BORCS8: variants seen among roughly 807,000 people sequenced by gnomAD.
BORCS8 encodes the protein BLOC-1-related complex subunit 8.
A neutral mutation model predicts 18.7 loss-of-function variants in BORCS8; 13 were observed. That is an observed-to-expected ratio of 0.70 (90% CI 0.45 to 1.11). The LOEUF is 1.11. Among genes scored for constraint, BORCS8 ranks in the 50% least tolerant of loss-of-function variants. The pLI is 0.00. For synonymous variants in BORCS8, 68 were observed against 64.8 expected (o/e 1.05, Z -0.24); for missense variants, 165 against 165.7 (o/e 1.00, Z 0.02).
chr19:19,184,295 T>C (rs1225186433), intron 3 of BORCS8, among the ~76,000 whole-genome samples: 1 of 146,702 alleles, frequency 6.8e-6, no homozygotes, highest in Non-Finnish European at 1.5e-5. Flanking sequence ...TTGGTTTTTT[T>C]TTTTCCTTTC....
chr19:19,181,821 A>T lies in BORCS8; in HGVS notation c.326+752T>A, dbSNP rs2060351893. The T allele has an allele frequency of 5.1e-6, 5 of 980,658 alleles. No homozygotes were observed. The South Asian group carries it at 2.4e-4, about 46-fold the overall frequency. 60.7% of individuals were successfully genotyped at this position (980,658 alleles called of 1,614,324 possible). A position where few individuals can be genotyped will look rare whatever the true frequency, so the allele number is the denominator to read the frequency against. On this transcript the variant is annotated intron_variant, in intron 4 of 5. Coordinates refer to ENST00000462790, the MANE Select transcript of BORCS8 (RefSeq NM_001145784.2). ...TGGGGGACAGGCCTGCCAGAACCCC[A>T]ATCTGTGGGAGCCAGACGCATCCCA...
intron 1 of BORCS8, among the ~76,000 whole-genome samples, 196 bp from the exon 2 acceptor site, chr19:19,187,201 G>A (rs1179852973): frequency 6.6e-6 from 1 of 152,172 alleles, no homozygotes; most frequent in Non-Finnish European, 1.5e-5. Flanking sequence ...ATGAGACCGG[G>A]TGCGGTGGCT....
intron 5 of BORCS8, chr19:19,178,838 T>G (rs1039520246): frequency 6.6e-6 from 1 of 152,014 alleles, no homozygotes; most frequent in Non-Finnish European, 1.5e-5. Context: ...CAGGCACCTG[T>G]AGTCCCACCT....
chr19:19,177,013 C>CT lies in BORCS8; in HGVS notation c.*489_*490insA, dbSNP rs36114489. 0.33 allele frequency: 50,905 copies of CT among 152,016 alleles called. 8,945 individuals are homozygous for CT. Among genetic ancestry groups the CT allele is most frequent in the Non-Finnish European group, 0.39 (26,231 of 67,970 alleles). 9.4% of individuals were successfully genotyped at this position (152,016 alleles called of 1,614,324 possible). ...TCCACACAATGTTCTCAGGTCCCCC[C>CT]GGAACCCCTCGCCCCGGCCTGGTTC... is the stretch of plus-strand genomic sequence containing the variant. On this transcript the variant is annotated 3_prime_UTR_variant, in exon 6 of 6. Coordinates refer to ENST00000462790, the MANE Select transcript of BORCS8 (RefSeq NM_001145784.2).
chr19:19,187,169 G>A, intron 1 of BORCS8, 164 bp from the exon 2 acceptor site: 1 of 593,818 alleles, frequency 1.7e-6, no homozygotes, highest in Non-Finnish European at 3.0e-6. Context: ...GGTCACAGCA[G>A]GGCTCACTCA....
At position 19,182,578 on chromosome 19, in the gene BORCS8, G is replaced by T; in HGVS notation, c.321C>A (p.Gly107=). The change falls in exon 4 of 6, where the codon GGC becomes GGA. Residue 107 remains glycine (G), a synonymous_variant. Coordinates refer to ENST00000462790, the MANE Select transcript of BORCS8 (RefSeq NM_001145784.2). This position sits in a 1 kb window ranked among gnomAD's most constrained non-coding sequence, Gnocchi z 4.1. ...CGGGCGGTCCCAGGAGCTACCTGTG[G>T]CCCTGGGCACTGGCATTCATATGGT... ...IRDHMNASAQ[G]HSPEEPPPPS... 1 of 1,550,698 alleles carries T rather than the reference G, an allele frequency of 6.4e-7. No homozygotes were observed. Among genetic ancestry groups the T allele is most frequent in the Non-Finnish European group, 8.7e-7 (1 of 1,146,864 alleles).
chr19:19,182,223 G>A lies in BORCS8; in HGVS notation c.326+350C>T, dbSNP rs2060356210. 1.0e-5 allele frequency: 4 copies of A among 393,172 alleles called. No homozygotes were observed. Among genetic ancestry groups the A allele is most frequent in the African/African-American group, 2.1e-5 (1 of 46,742 alleles). The allele number at this position is 393,172 out of a possible 1,614,324, so 24.4% of individuals were successfully genotyped here. On this transcript the variant is annotated intron_variant, in intron 4 of 5. Transcript: ENST00000462790. The surrounding 1 kb of genome is among the most constrained non-coding windows in gnomAD (Gnocchi z 4.1). The stretch of plus-strand genomic sequence containing the variant: ...TCGTCTCTGTCTGCATGTAACTCAT[G>A]CCACCTCCTAGGAGGGGCCCCGCAG...
At chr19:19,185,475 C>G (rs1385505098) in intron 3 of BORCS8, among the ~76,000 whole-genome samples, 13 of 152,168 alleles carry the variant, frequency 8.5e-5, no homozygotes, top group Non-Finnish European at 1.5e-5. Context: ...CACCTGAGGT[C>G]AGAAGTTTGA....
At chr19:19,185,923 G>A in intron 3 of BORCS8, 111 bp downstream of exon 3, 1 of 1,118,060 alleles carries the variant, frequency 8.9e-7, no homozygotes, top group Non-Finnish European at 1.3e-6. Context: ...ACCCACTCGG[G>A]TAGGCCTGGC....
chr19:19,190,792 T>TA (rs1025229441), intron 1 of BORCS8, among the ~76,000 whole-genome samples: 70 of 148,628 alleles, frequency 4.7e-4, no homozygotes, highest in African/African-American at 1.3e-3. Flanking sequence ...CCGTCTCAAA[T>TA]AAAAAAAAAG....
At chr19:19,188,668 G>A (rs1599760844) in intron 1 of BORCS8, among the ~76,000 whole-genome samples, 1 of 148,412 alleles carries the variant, frequency 6.7e-6, no homozygotes, top group African/African-American at 2.5e-5. Flanking sequence ...TGTGTCCCTC[G>A]CTGGGCACTG....
chr19:19,181,519 C>A (rs1350235259), intron 4 of BORCS8, among the ~76,000 whole-genome samples: 2 of 152,248 alleles, frequency 1.3e-5, no homozygotes, highest in African/African-American at 2.4e-5. Flanking sequence ...AAACAGCAGG[C>A]ACAAACAGGG....
intron 5 of BORCS8, 70 bp downstream of exon 5, chr19:19,180,616 T>A: frequency 9.1e-7 from 1 of 1,101,422 alleles, no homozygotes. Flanking sequence ...GGTGCCTGCC[T>A]GGCTGCCAAG....
intron 5 of BORCS8, chr19:19,177,703 GAAAAGAAAA>G (rs1568562093): frequency 1.3e-4 from 8 of 62,314 alleles, no homozygotes; most frequent in Non-Finnish European, 2.0e-4. Flanking sequence ...GAAGAGAAAA[GAAAAGAAAA>G]GAAAAGAAAA....
rs1381888167 is a variant in BORCS8, at chr19:19,177,675, AGGAAGGAAGGAAGGAAG to A, written c.*43-232_*43-216del. 92 of 100,572 alleles carry A rather than the reference AGGAAGGAAGGAAGGAAG, an allele frequency of 9.1e-4. 5 individuals carry two copies. The highest frequency in any genetic ancestry group is 5.6e-3 in the East Asian group (19 of 3,414). 6.2% of individuals were successfully genotyped at this position (100,572 alleles called of 1,614,324 possible). A position where few individuals can be genotyped will look rare whatever the true frequency, so the allele number is the denominator to read the frequency against. On this transcript the variant is annotated intron_variant, in intron 5 of 5. Coordinates refer to ENST00000462790, the MANE Select transcript of BORCS8 (RefSeq NM_001145784.2). ...AAGGAAGGAAGGAAGGAAGGAAGGA[AGGAAGGAAGGAAGGAAG>A]GAAGAGAAAAGAAAAGAAAAGAAAA... is the stretch of plus-strand genomic sequence containing the variant.
chr19:19,190,327 A>G (rs1247252200), intron 1 of BORCS8, among the ~76,000 whole-genome samples: 2 of 152,226 alleles, frequency 1.3e-5, no homozygotes, highest in African/African-American at 2.4e-5. Flanking sequence ...GATGAATCCA[A>G]TGCCATCACC....
intron 5 of BORCS8, chr19:19,180,447 AAG>A (rs2060337050): frequency 1.9e-5 from 11 of 572,174 alleles, no homozygotes; most frequent in Middle Eastern, 4.6e-4. Flanking sequence ...TGGCCTGGAA[AAG>A]AGAGAGGAAG....
chr19:19,180,022 A>C (rs1458187229), intron 5 of BORCS8: 1 of 153,740 alleles, frequency 6.5e-6, no homozygotes, highest in African/African-American at 2.4e-5. Flanking sequence ...GGTGAGCCCC[A>C]GGGACAGCAG....
intron 3 of BORCS8, among the ~76,000 whole-genome samples, chr19:19,183,848 G>A (rs1043011252): frequency 6.6e-6 from 1 of 151,544 alleles, no homozygotes; most frequent in Non-Finnish European, 1.5e-5. Context: ...GGGATTACAG[G>A]CGTGAGCCAC....
Sources: gnomAD v4.1 joint callset for allele counts (sites outside exome capture counted in the v4.1 genomes callset) on GRCh38, gnomAD v4.1.1 for gene constraint, Gnocchi (gnomAD v3.1) non-coding constraint, MANE v1.5 for transcripts, NCBI Gene and HGNC (gene_info 2026-07-23, HGNC 2026-07-21) for gene names.